The following SPTBN4 variants were observed in gnomAD, a reference collection of about 807,000 sequenced individuals.
SPTBN4 encodes the protein spectrin beta, non-erythrocytic 4, also known as spectrin beta chain, non-erythrocytic 4.
SPTBN4 carries 96 observed loss-of-function variants against 277.8 expected under a neutral mutation model. The observed-to-expected ratio is 0.35, with a 90% CI of 0.29 to 0.41. The LOEUF (loss-of-function observed/expected upper bound fraction) is 0.41. Among genes scored for constraint, SPTBN4 ranks in the 10% least tolerant of loss-of-function variants. SPTBN4 has a pLI of 1.00. For missense variants in SPTBN4, 3,006 were observed against 3,595.7 expected (o/e 0.84, Z 4.19); for synonymous variants, 1,481 against 1,580.3 (o/e 0.94, Z 1.49).
intron 16 of SPTBN4, among the ~76,000 whole-genome samples, chr19:40,520,540 G>T (rs2080515331): frequency 6.6e-6 from 1 of 152,196 alleles, no homozygotes; most frequent in Admixed American, 6.5e-5. Flanking sequence ...AGAAGATCTT[G>T]GTATGGATAA....
chr19:40,499,994 G>GGGTTTA (rs1404060173), intron 7 of SPTBN4, among the ~76,000 whole-genome samples: 3 of 147,902 alleles, frequency 2.0e-5, no homozygotes, highest in Non-Finnish European at 3.0e-5. Flanking sequence ...TGTAATCCCA[G>GGGTTTA]CACTTTGGGA....
At chr19:40,520,698 CTG>C (rs1255496210) in intron 16 of SPTBN4, among the ~76,000 whole-genome samples, 49 of 152,296 alleles carry the variant, frequency 3.2e-4, no homozygotes, top group Non-Finnish European at 7.3e-5. Context: ...GAGAGAGTAA[CTG>C]TGTCTGTGGC....
At chr19:40,532,540 C>T (rs752982791) in intron 18 of SPTBN4, 85 bp from the exon 19 acceptor site, 33 of 1,515,178 alleles carry the variant, frequency 2.2e-5, no homozygotes, top group Non-Finnish European at 2.8e-5. Flanking sequence ...GCAGCCCAGG[C>T]CCTGAACCTG....
intron 1 of SPTBN4, among the ~76,000 whole-genome samples, chr19:40,469,708 A>G (rs1260196879): frequency 6.6e-6 from 1 of 150,966 alleles, no homozygotes; most frequent in Non-Finnish European, 1.5e-5. Flanking sequence ...CAGTGGTGCG[A>G]TCTCGGCTCA....
chr19:40,569,605 A>G (rs2145957876), intron 31 of SPTBN4, 52 bp from the exon 32 acceptor site: 1 of 1,594,522 alleles, frequency 6.3e-7, no homozygotes, highest in Non-Finnish European at 8.6e-7. Context: ...AGACAGGTCC[A>G]TGGGAGAAGG....
intron 5 of SPTBN4, among the ~76,000 whole-genome samples, chr19:40,493,751 T>C (rs966681384): frequency 2.0e-5 from 3 of 151,896 alleles, no homozygotes; most frequent in African/African-American, 7.3e-5. Flanking sequence ...CATAAATAAA[T>C]AAACAAACAA....
intron 29 of SPTBN4, 48 bp from the exon 30 acceptor site, chr19:40,566,115 A>G (rs2081089398): frequency 6.9e-7 from 1 of 1,451,266 alleles, no homozygotes; most frequent in Non-Finnish European, 9.1e-7. Context: ...TGCCCCCAGG[A>G]AGGGCCCCAG....
chr19:40,515,996 T>TATATACGTATATATACACAC lies in SPTBN4; in HGVS notation c.2903+568_2903+587dup, dbSNP rs1568798604. 1.5e-5 allele frequency among the ~76,000 whole-genome samples: 2 copies of TATATACGTATATATACACAC among 131,792 alleles called. No individual in the cohort carries two copies. Among genetic ancestry groups the TATATACGTATATATACACAC allele is most frequent in the Non-Finnish European group, 3.2e-5 (2 of 61,826 alleles). The allele number at this position is 131,792 out of a possible 152,430, so 86.5% of individuals were successfully genotyped here. A position where few individuals can be genotyped will look rare whatever the true frequency, so the allele number is the denominator to read the frequency against. On this transcript the variant is annotated intron_variant, in intron 15 of 35. Transcript: ENST00000598249. This position sits in a 1 kb window ranked among gnomAD's most constrained non-coding sequence, Gnocchi z 4.1. The stretch of plus-strand genomic sequence containing the variant: ...ACACATATATACGTATATATACACA[T>TATATACGTATATATACACAC]ATATACGTATATATACACACATATA...
intron 19 of SPTBN4, among the ~76,000 whole-genome samples, chr19:40,533,299 A>G (rs759900024): frequency 1.3e-5 from 2 of 152,210 alleles, no homozygotes; most frequent in Non-Finnish European, 2.9e-5. Context: ...CTCTGTGCAC[A>G]TAAAGTACTT....
intron 2 of SPTBN4, among the ~76,000 whole-genome samples, chr19:40,480,636 A>G (rs533743548): frequency 3.3e-5 from 5 of 152,276 alleles, no homozygotes; most frequent in Non-Finnish European, 7.4e-5. Context: ...AGATTCATCC[A>G]TGTCTCCCTG....
At chr19:40,547,720 TTCTAAC>T (rs1261194240) in intron 20 of SPTBN4, among the ~76,000 whole-genome samples, 1 of 152,256 alleles carries the variant, frequency 6.6e-6, no homozygotes, top group Non-Finnish European at 1.5e-5. Context: ...ATGATCGCTA[TTCTAAC>T]TGGTGTGAGA....
intron 17 of SPTBN4, among the ~76,000 whole-genome samples, chr19:40,526,975 T>C (rs2145888140): frequency 1.3e-5 from 2 of 152,312 alleles, no homozygotes; most frequent in South Asian, 4.1e-4. Context: ...GCTGAAGGCC[T>C]GGAAAGATTG....
At chr19:40,531,464 GTTTTTTTTTTTTTTTTTTTTT>G (rs71173645) in intron 18 of SPTBN4, among the ~76,000 whole-genome samples, 4 of 40,906 alleles carry the variant, frequency 9.8e-5, no homozygotes, top group Non-Finnish European at 1.8e-4. Flanking sequence ...TCCAGTGTTT[GTTTTTTTTTTTTTTTTTTTTT>G]TTTTTTTTTT....
At position 40,560,960 on chromosome 19, in the gene SPTBN4, C is replaced by T. The variant is rs1410070454; in HGVS notation, c.5915+557C>T. ...CACACAGAAGGTTTTAGGGATAAAGCCGGCACCCACACACTGCCAGCCCGG... is the reference window on the plus strand; with the variant it reads ...CACACAGAAGGTTTTAGGGATAAAGTCGGCACCCACACACTGCCAGCCCGG... On this transcript the variant is annotated intron_variant, in intron 27 of 35. Transcript: ENST00000598249. This position sits in a 1 kb window ranked among gnomAD's most constrained non-coding sequence, Gnocchi z 5.2. 1.3e-5 allele frequency among the ~76,000 whole-genome samples: 2 copies of T among 152,112 alleles called. No homozygotes were observed. The highest frequency in any genetic ancestry group is 2.9e-5 in the Non-Finnish European group (2 of 68,026).
chr19:40,569,979 C>CAG (rs2081136887), intron 32 of SPTBN4, among the ~76,000 whole-genome samples: 9 of 146,324 alleles, frequency 6.2e-5, no homozygotes, highest in Admixed American at 2.7e-4. Flanking sequence ...CACACAGACA[C>CAG]ACACACACAG....
intron 2 of SPTBN4, among the ~76,000 whole-genome samples, chr19:40,476,833 C>T (rs765229227): frequency 1.2e-4 from 18 of 151,946 alleles, no homozygotes; most frequent in Non-Finnish European, 2.6e-4. Context: ...GTGATCTGCC[C>T]GCCTTGGCCT....
chr19:40,534,428 T>C lies in SPTBN4; in HGVS notation c.4359+85T>C. On this transcript the variant is annotated intron_variant, in intron 20 of 35. Transcript: ENST00000598249. The stretch of plus-strand genomic sequence containing the variant: ...CCAACCCCACTCAAGGTATGTCAAG[T>C]GGAGGGGATTTAATACAGGGATTTA... The C allele has an allele frequency of 4.8e-6, 7 of 1,470,934 alleles. No individual in the cohort carries two copies. In the South Asian group the frequency reaches 9.1e-5, roughly 19 times the overall value. The allele number at this position is 1,470,934 out of a possible 1,614,324, so 91.1% of individuals were successfully genotyped here.
chr19:40,557,127 C>A lies in SPTBN4; in HGVS notation c.5394C>A (p.Gly1798=), dbSNP rs2080989575. The part of the protein sequence containing the change: ...NQMVDELIEC[G]HTAAATMAEW... ...TGGTGGATGAGCTGATCGAGTGTGG[C>A]CATACAGCAGCGGCCACCATGGCCG... Residue 1798 remains glycine (G), a synonymous_variant, in exon 26 of 36, where the codon GGC becomes GGA. Coordinates refer to ENST00000598249, the MANE Select transcript of SPTBN4 (RefSeq NM_020971.3). 1.2e-6 allele frequency: 2 copies of A among 1,610,678 alleles called. No homozygotes were observed. The highest frequency in any genetic ancestry group is 8.5e-7 in the Non-Finnish European group (1 of 1,177,596).
chr19:40,520,608 G>T (rs2080516263), intron 16 of SPTBN4, among the ~76,000 whole-genome samples: 1 of 152,208 alleles, frequency 6.6e-6, no homozygotes, highest in Non-Finnish European at 1.5e-5. Flanking sequence ...GAGTCAGTCA[G>T]TGATTGTGGA....
Sources: gnomAD v4.1 joint callset for allele counts (sites outside exome capture counted in the v4.1 genomes callset) on GRCh38, gnomAD v4.1.1 for gene constraint, Gnocchi (gnomAD v3.1) non-coding constraint, MANE v1.5 for transcripts, NCBI Gene and HGNC (gene_info 2026-07-23, HGNC 2026-07-21) for gene names.